The following DYNC2LI1 variants were observed in gnomAD, a reference collection of about 807,000 sequenced individuals.
DYNC2LI1 encodes the protein cytoplasmic dynein 2 light intermediate chain 1.
A neutral mutation model predicts 51.9 loss-of-function variants in DYNC2LI1; 45 were observed. That is an observed-to-expected ratio of 0.87 (90% CI 0.68 to 1.11). The LOEUF (loss-of-function observed/expected upper bound fraction) is 1.11, where lower values mean the gene tolerates loss of function less well. DYNC2LI1 is among the 50% of genes most tolerant of loss of function. The pLI is 0.00. For missense variants in DYNC2LI1, 490 were observed against 417.4 expected (o/e 1.17, Z -1.51); for synonymous variants, 130 against 137.8 (o/e 0.94, Z 0.40).
In DYNC2LI1 at chr2:43,803,325, A is replaced by G. The variant is rs182377471; in HGVS notation, c.803-1317A>G. 1.5e-3 allele frequency among the ~76,000 whole-genome samples: 232 copies of G among 152,350 alleles called. 1 individual carries two copies. The highest frequency in any genetic ancestry group is 5.1e-3 in the African/African-American group (214 of 41,592). The stretch of plus-strand genomic sequence containing the variant: ...CAACTGTGGTACATCTGTACCAGGA[A>G]ACACTACTCAGTCATACAAAGGAAC... On this transcript the variant is annotated intron_variant, in intron 10 of 12. Transcript: ENST00000260605.
the DYNC2LI1 span, among the ~76,000 whole-genome samples, chr2:43,816,223 G>T: frequency 6.6e-6 from 1 of 152,214 alleles, no homozygotes; most frequent in Non-Finnish European, 1.5e-5. Context: ...GGCCTAATTG[G>T]TCCAAGGCCT....
At chr2:43,820,546 C>T in the DYNC2LI1 span, among the ~76,000 whole-genome samples, 1 of 152,174 alleles carries the variant, frequency 6.6e-6, no homozygotes, top group South Asian at 2.1e-4. Context: ...GGGATTATTG[C>T]CTACGTGAAA....
At chr2:43,820,169 T>C in the DYNC2LI1 span, 1 of 1,528,200 alleles carries the variant, frequency 6.5e-7, no homozygotes, top group Non-Finnish European at 8.9e-7. Context: ...TGCACTTGCC[T>C]CTGTGAATAA....
intron 11 of DYNC2LI1, 83 bp from the exon 12 acceptor site, chr2:43,805,071 T>C (rs1666201386): frequency 2.4e-6 from 2 of 848,728 alleles, no homozygotes; most frequent in South Asian, 1.7e-5. Flanking sequence ...GGCTGAGGAA[T>C]GGGAGCTTGG....
At chr2:43,792,631 A>G in intron 5 of DYNC2LI1, 4 of 1,503,148 alleles carry the variant, frequency 2.7e-6, no homozygotes, top group Non-Finnish European at 3.5e-6. Flanking sequence ...TCAAACTGAA[A>G]CTCTTTACCT....
intron 1 of DYNC2LI1, among the ~76,000 whole-genome samples, chr2:43,776,026 T>C (rs1673003143): frequency 6.6e-6 from 1 of 151,876 alleles, no homozygotes; most frequent in South Asian, 2.1e-4. Flanking sequence ...TTTTTGTTTG[T>C]TTTCTTTTCT....
intron 10 of DYNC2LI1, among the ~76,000 whole-genome samples, chr2:43,803,688 G>C (rs1326115778): frequency 6.6e-6 from 1 of 152,164 alleles, no homozygotes; most frequent in Non-Finnish European, 1.5e-5. Flanking sequence ...TATACACACA[G>C]ACACACAAAG....
the DYNC2LI1 span, among the ~76,000 whole-genome samples, chr2:43,819,160 G>C: frequency 3.9e-5 from 6 of 151,992 alleles, no homozygotes; most frequent in Middle Eastern, 3.2e-3. Flanking sequence ...CAAAGAAACA[G>C]CCTTCATGTT....
intron 4 of DYNC2LI1, among the ~76,000 whole-genome samples, chr2:43,787,743 A>G (rs1346103624): frequency 1.3e-5 from 2 of 152,186 alleles, no homozygotes; most frequent in African/African-American, 4.8e-5. Flanking sequence ...GGATAGAAGA[A>G]GGGTTCATAG....
intron 4 of DYNC2LI1, among the ~76,000 whole-genome samples, chr2:43,787,876 G>A (rs987371741): frequency 6.6e-6 from 1 of 152,096 alleles, no homozygotes; most frequent in Non-Finnish European, 1.5e-5. Flanking sequence ...GGAGCATCCC[G>A]CTACTCTGCT....
chr2:43,810,138 T>G (rs1460245787), downstream of DYNC2LI1: 2 of 358,396 alleles, frequency 5.6e-6, no homozygotes, highest in African/African-American at 4.4e-5. Context: ...TTAGACACAT[T>G]CTTTCTAAAA....
intron 2 of DYNC2LI1, 106 bp downstream of exon 2, chr2:43,777,005 G>T: frequency 1.7e-6 from 1 of 593,338 alleles, no homozygotes; most frequent in South Asian, 3.1e-5. Flanking sequence ...TTAACCAGAT[G>T]ACCAATCTGG....
the DYNC2LI1 span, chr2:43,826,544 C>A: frequency 1.9e-6 from 3 of 1,614,142 alleles, no homozygotes; most frequent in Non-Finnish European, 2.5e-6. Flanking sequence ...AAGGGCCAGA[C>A]TTCTAAGGTA....
the DYNC2LI1 span, chr2:43,819,882 C>T: frequency 6.2e-7 from 1 of 1,607,644 alleles, no homozygotes; most frequent in Middle Eastern, 1.7e-4. Flanking sequence ...ACAGATTATC[C>T]CAATCTAAAT....
chr2:43,774,862 C>G (rs1375720191), intron 1 of DYNC2LI1, among the ~76,000 whole-genome samples: 1 of 152,188 alleles, frequency 6.6e-6, no homozygotes, highest in African/African-American at 2.4e-5. Flanking sequence ...TCCGTCTTTC[C>G]TCTCTGCTAG....
At chr2:43,821,774 C>G in the DYNC2LI1 span, among the ~76,000 whole-genome samples, 4 of 152,258 alleles carry the variant, frequency 2.6e-5, no homozygotes, top group South Asian at 6.2e-4. Flanking sequence ...TTCCCCCTTC[C>G]CAATTTCAAT....
At chr2:43,783,962 A>G (rs1039960595) in intron 3 of DYNC2LI1, among the ~76,000 whole-genome samples, 1 of 152,148 alleles carries the variant, frequency 6.6e-6, no homozygotes, top group African/African-American at 2.4e-5. Context: ...ATATTTTATC[A>G]TTTATTTTAT....
intron 2 of DYNC2LI1, among the ~76,000 whole-genome samples, chr2:43,778,697 A>G (rs1673135797): frequency 6.6e-6 from 1 of 152,182 alleles, no homozygotes; most frequent in Non-Finnish European, 1.5e-5. Flanking sequence ...TCCATCATAC[A>G]AATGCTTACA....
At chr2:43,787,515 G>C (rs111467474) in intron 4 of DYNC2LI1, among the ~76,000 whole-genome samples, 4 of 152,250 alleles carry the variant, frequency 2.6e-5, no homozygotes, top group African/African-American at 9.6e-5. Context: ...CATGAGAATA[G>C]TGTTGTGAGT....
Sources: gnomAD v4.1 joint callset for allele counts (sites outside exome capture counted in the v4.1 genomes callset) on GRCh38, gnomAD v4.1.1 for gene constraint, MANE v1.5 for transcripts, NCBI Gene and HGNC (gene_info 2026-07-23, HGNC 2026-07-21) for gene names.